PCDH15: variants seen among roughly 807,000 people sequenced by gnomAD.
PCDH15 encodes the protein protocadherin related 15, also known as protocadherin-15.
In PCDH15, 129 loss-of-function variants were observed where a neutral mutation model predicts 178.5. That is an observed-to-expected ratio of 0.72 (90% CI 0.63 to 0.84). The LOEUF (loss-of-function observed/expected upper bound fraction) is 0.84. Among genes scored for constraint, PCDH15 ranks in the 40% least tolerant of loss-of-function variants. The pLI is 0.00. For missense variants in PCDH15, 2,230 were observed against 2,099.9 expected (o/e 1.06, Z -1.21); for synonymous variants, 800 against 732.0 (o/e 1.09, Z -1.50).
intron 26 of PCDH15, among the ~76,000 whole-genome samples, chr10:53,903,041 T>C (rs1285334130): frequency 6.6e-6 from 1 of 152,134 alleles, no homozygotes; most frequent in African/African-American, 2.4e-5. Flanking sequence ...ATTTTCATAG[T>C]AAAATGAAAC....
intron 2 of PCDH15, among the ~76,000 whole-genome samples, chr10:55,502,230 A>G (rs531325058): frequency 6.6e-6 from 1 of 151,640 alleles, no homozygotes; most frequent in South Asian, 2.1e-4. Context: ...TTTCTGTCCC[A>G]CTTGTATTGC....
At chr10:55,450,468 A>C (rs991089025) in intron 2 of PCDH15, among the ~76,000 whole-genome samples, 2 of 152,152 alleles carry the variant, frequency 1.3e-5, no homozygotes, top group Non-Finnish European at 2.9e-5. Context: ...GAACGCACCT[A>C]ATAGCCTAAT....
At chr10:55,517,698 A>AT (rs1428655457) in intron 2 of PCDH15, among the ~76,000 whole-genome samples, 1 of 152,156 alleles carries the variant, frequency 6.6e-6, no homozygotes, top group African/African-American at 2.4e-5. Context: ...AAACCTGTAT[A>AT]TAGATGTTTA....
intron 2 of PCDH15, among the ~76,000 whole-genome samples, chr10:55,158,030 C>G (rs997887519): frequency 6.7e-6 from 1 of 150,058 alleles, no homozygotes; most frequent in African/African-American, 2.5e-5. Flanking sequence ...CTCTATAGTT[C>G]CAAAACAATT....
intron 1 of PCDH15, among the ~76,000 whole-genome samples, chr10:54,733,635 T>C (rs927353303): frequency 2.6e-5 from 4 of 151,586 alleles, no homozygotes; most frequent in Admixed American, 6.6e-5. Flanking sequence ...AAAATAATTA[T>C]AATATCCAAA....
intron 2 of PCDH15, among the ~76,000 whole-genome samples, chr10:55,383,936 T>C (rs1019269609): frequency 3.3e-5 from 5 of 152,238 alleles, no homozygotes; most frequent in Admixed American, 2.0e-4. Context: ...TGTGTCATTA[T>C]GTTTTAAACA....
At chr10:54,827,930 C>A (rs968051489) in intron 3 of PCDH15, among the ~76,000 whole-genome samples, 1 of 152,020 alleles carries the variant, frequency 6.6e-6, no homozygotes, top group Non-Finnish European at 1.5e-5. Context: ...TCTTTTTAAA[C>A]ATTATATACC....
intron 2 of PCDH15, among the ~76,000 whole-genome samples, chr10:54,653,362 TA>T (rs1197720470): frequency 6.6e-6 from 1 of 152,174 alleles, no homozygotes; most frequent in Non-Finnish European, 1.5e-5. Context: ...AGCAAAGAGA[TA>T]TTGAGTAATT....
intron 2 of PCDH15, among the ~76,000 whole-genome samples, chr10:55,506,915 T>C (rs1840771594): frequency 6.6e-6 from 1 of 151,494 alleles, no homozygotes. Flanking sequence ...TTCTGAAAGC[T>C]GATTGAATAT....
intron 6 of PCDH15, among the ~76,000 whole-genome samples, chr10:54,345,050 A>G (rs1413911996): frequency 6.6e-6 from 1 of 150,764 alleles, no homozygotes; most frequent in Non-Finnish European, 1.5e-5. Context: ...TTTTGTGAGA[A>G]CACAATAGAG....
chr10:53,963,590 C>A (rs1296389245), intron 21 of PCDH15, among the ~76,000 whole-genome samples: 1 of 152,146 alleles, frequency 6.6e-6, no homozygotes, highest in Non-Finnish European at 1.5e-5. Flanking sequence ...CAAACTAGTA[C>A]ACATAATTGT....
chr10:55,340,909 C>T (rs188311545), intron 2 of PCDH15, among the ~76,000 whole-genome samples: 12 of 152,014 alleles, frequency 7.9e-5, no homozygotes, highest in East Asian at 3.9e-4. Context: ...ATACATCTTA[C>T]GATTCACATT....
intron 25 of PCDH15, among the ~76,000 whole-genome samples, chr10:53,936,226 T>C (rs1200922474): frequency 6.6e-6 from 1 of 152,172 alleles, no homozygotes. Flanking sequence ...CCAATGGCAA[T>C]GTATAGACCT....
chr10:55,600,119 C>A (rs1464532818), intron 2 of PCDH15: 1 of 371,906 alleles, frequency 2.7e-6, no homozygotes, highest in East Asian at 4.6e-5. Flanking sequence ...AATCCCAGCA[C>A]TTTGGGAGGC....
chr10:55,557,738 G>A (rs530694406), intron 2 of PCDH15, among the ~76,000 whole-genome samples: 4 of 152,174 alleles, frequency 2.6e-5, no homozygotes, highest in African/African-American at 2.4e-5. Context: ...TAGTGATCCC[G>A]AAGGACAGAA....
At chr10:54,433,361 A>G (rs1366499562) in intron 3 of PCDH15, among the ~76,000 whole-genome samples, 1 of 152,022 alleles carries the variant, frequency 6.6e-6, no homozygotes, top group East Asian at 1.9e-4. Context: ...GTTCTTATAT[A>G]CAATGGAGTA....
intron 2 of PCDH15, among the ~76,000 whole-genome samples, chr10:55,624,433 A>G (rs1427299050): frequency 1.3e-5 from 2 of 150,762 alleles, no homozygotes; most frequent in Non-Finnish European, 2.9e-5. Flanking sequence ...AGTTTAAACT[A>G]GAAGCCACCC....
At chr10:54,816,205 G>T (rs567932621) in intron 3 of PCDH15, among the ~76,000 whole-genome samples, 1 of 151,930 alleles carries the variant, frequency 6.6e-6, no homozygotes, top group Admixed American at 6.6e-5. Flanking sequence ...TGACATATTG[G>T]AGATGTTGAC....
At chr10:55,309,106 C>G (rs930110871) in intron 1 of PCDH15, among the ~76,000 whole-genome samples, 7 of 152,148 alleles carry the variant, frequency 4.6e-5, no homozygotes, top group Admixed American at 3.9e-4. Flanking sequence ...CAACTAAAAT[C>G]CAGTCATTGT....
Sources: allele counts gnomAD v4.1 joint callset (sites outside exome capture counted in the v4.1 genomes callset), GRCh38; gene constraint gnomAD v4.1.1; transcripts MANE v1.5; gene names NCBI Gene and HGNC (gene_info 2026-07-23, HGNC 2026-07-21).